The following GLT1D1 variants were observed in gnomAD, a reference collection of about 807,000 sequenced individuals.
The protein encoded by GLT1D1 is glycosyltransferase 1 domain-containing protein 1.
In GLT1D1, 21 loss-of-function variants were observed where a neutral mutation model predicts 28.7. That is an observed-to-expected ratio of 0.73 (90% confidence interval 0.52 to 1.05). GLT1D1 has a LOEUF of 1.05. Ranked by LOEUF, GLT1D1 falls within the 50% of genes least tolerant of loss-of-function variation. The pLI is 0.00. For missense variants in GLT1D1, 343 were observed against 330.6 expected, an observed-to-expected ratio of 1.04 and a Z score of -0.29; for synonymous variants, 147 against 124.8, an observed-to-expected ratio of 1.18 and a Z score of -1.19.
chr12:128,945,209 C>T (rs1239125883), intron 4 of GLT1D1, 117 bp from the exon 9 acceptor site: 15 of 1,043,608 alleles, frequency 1.4e-5, no homozygotes, highest in African/African-American at 1.6e-5. Flanking sequence ...ACCCCCGTGG[C>T]CGCAGACCGA....
At chr12:128,968,970 TC>T (rs1415039118) in intron 7 of GLT1D1, among the ~76,000 whole-genome samples, 1 of 152,040 alleles carries the variant, frequency 6.6e-6, no homozygotes, top group Non-Finnish European at 1.5e-5. Flanking sequence ...CTGCTGTGCC[TC>T]CCTTTTTCTC....
Position 128,899,274 on chromosome 12 carries a change from C to G in GLT1D1, c.362C>G (p.Ala121Gly), listed in dbSNP as rs1869975334. The change falls in exon 4 of 8, where the codon GCA becomes GGA. Residue 121 changes from alanine (A) to glycine (G), a missense_variant. Ala to Gly is a moderately conservative substitution (Grantham distance 60, BLOSUM62 0). Transcript: ENST00000281703. ...TTCACAGAGTCAATGAAGGAAATGG[C>G]ACAAGCGCAGTGGGTATGTGTTTAT... 29 of 1,613,436 alleles carry G rather than the reference C, an allele frequency of 1.8e-5. No individual in the cohort carries two copies. Among genetic ancestry groups the G allele is most frequent in the Non-Finnish European group, 2.4e-5 (28 of 1,179,382 alleles).
intron 4 of GLT1D1, among the ~76,000 whole-genome samples, chr12:128,908,950 AAAATAAAT>A (rs377518306): frequency 2.1e-3 from 312 of 151,190 alleles, no homozygotes; most frequent in African/African-American, 5.9e-3. Flanking sequence ...CTCCGTCTCA[AAAATAAAT>A]AAATAAATAA....
intron 1 of GLT1D1, among the ~76,000 whole-genome samples, chr12:128,872,373 C>A (rs1403117847): frequency 6.6e-6 from 1 of 152,050 alleles, no homozygotes; most frequent in Non-Finnish European, 1.5e-5. Context: ...GAGATAGGCT[C>A]AAAACAAAAT....
At chr12:128,889,156 A>G (rs563838991) in intron 3 of GLT1D1, among the ~76,000 whole-genome samples, 1 of 152,196 alleles carries the variant, frequency 6.6e-6, no homozygotes, top group East Asian at 1.9e-4. Flanking sequence ...AGTGTTCTGG[A>G]TGTAGAAAAC....
At chr12:128,923,671 G>A (rs562178353) in intron 4 of GLT1D1, among the ~76,000 whole-genome samples, 1 of 151,990 alleles carries the variant, frequency 6.6e-6, no homozygotes, top group Non-Finnish European at 1.5e-5. Context: ...ACAAGTGCCT[G>A]CTACCACAGC....
At chr12:128,954,162 C>T (rs916063954) in intron 6 of GLT1D1, among the ~76,000 whole-genome samples, 2 of 149,220 alleles carry the variant, frequency 1.3e-5, no homozygotes, top group East Asian at 2.0e-4. Flanking sequence ...CTCACTCTGT[C>T]GCCCAGGCTG....
At chr12:128,919,589 A>C (rs1298127274) in intron 4 of GLT1D1, among the ~76,000 whole-genome samples, 4 of 152,250 alleles carry the variant, frequency 2.6e-5, no homozygotes, top group African/African-American at 7.2e-5. Context: ...TCTCACATAC[A>C]AACAGGTCAA....
At chr12:128,881,617 AAAAT>A (rs1957063901) in intron 2 of GLT1D1, among the ~76,000 whole-genome samples, 1 of 136,624 alleles carries the variant, frequency 7.3e-6, no homozygotes. Flanking sequence ...ATAGATACAT[AAAAT>A]AAATATATTT....
At chr12:128,858,498 C>T (rs927550876) in intron 1 of GLT1D1, among the ~76,000 whole-genome samples, 2 of 151,974 alleles carry the variant, frequency 1.3e-5, no homozygotes, top group African/African-American at 4.8e-5. Context: ...ATGGTGAAAC[C>T]CCGTCTCTAC....
chr12:128,915,374 T>C (rs1858376029), intron 4 of GLT1D1, among the ~76,000 whole-genome samples: 1 of 151,994 alleles, frequency 6.6e-6, no homozygotes, highest in Non-Finnish European at 1.5e-5. Flanking sequence ...CACATTTTTT[T>C]TTTTTTTTGA....
chr12:128,869,223 G>C (rs1956623710), intron 1 of GLT1D1, among the ~76,000 whole-genome samples: 2 of 152,136 alleles, frequency 1.3e-5, no homozygotes, highest in Non-Finnish European at 2.9e-5. Flanking sequence ...CTGGAGTGCA[G>C]TGGCACCGTC....
chr12:128,897,191 T>C (rs754348747), intron 3 of GLT1D1, among the ~76,000 whole-genome samples: 33 of 152,316 alleles, frequency 2.2e-4, no homozygotes, highest in Non-Finnish European at 4.0e-4. Context: ...GTCCCTTATA[T>C]TTGCTCTCAC....
At chr12:128,963,766 C>T (rs751539158) in intron 7 of GLT1D1, among the ~76,000 whole-genome samples, 61 of 152,152 alleles carry the variant, frequency 4.0e-4, no homozygotes, top group Admixed American at 1.6e-3. Flanking sequence ...GTGCCCAGCA[C>T]GGAGCCAGGT....
intron 4 of GLT1D1, among the ~76,000 whole-genome samples, chr12:128,914,023 T>TATG (rs918301810): frequency 1.3e-5 from 2 of 152,208 alleles, no homozygotes; most frequent in Admixed American, 1.3e-4. Context: ...GAATAACGAT[T>TATG]ATGCAGGTGG....
In GLT1D1 at chr12:128,947,392, G is replaced by A. The variant is rs1464071855; in HGVS notation, c.474G>A (p.Val158=). 14 of 1,613,904 alleles carry A rather than the reference G, an allele frequency of 8.7e-6. No homozygotes were observed. Among genetic ancestry groups the A allele is most frequent in the Admixed American group, 1.7e-5 (1 of 60,004 alleles). The change falls in exon 6 of 8, where the codon GTG becomes GTA. Residue 158 remains valine, a synonymous_variant. Transcript: ENST00000281703. Reference sequence around the variant, plus strand: ...TGCCTCAAGAAGATCTGCACGCGGTGGTGAAGAATTGCTTCGCGGTGGTGA... The same window carrying A: ...TGCCTCAAGAAGATCTGCACGCGGTAGTGAAGAATTGCTTCGCGGTGGTGA...
intron 3 of GLT1D1, among the ~76,000 whole-genome samples, chr12:128,894,425 G>C (rs1454993971): frequency 1.3e-5 from 2 of 152,154 alleles, no homozygotes; most frequent in African/African-American, 2.4e-5. Context: ...TATTCCTGTG[G>C]TGTTTGCCTG....
chr12:128,957,699 A>G lies in GLT1D1; in HGVS notation c.639+56A>G, dbSNP rs545685783. On this transcript the variant is annotated intron_variant, in intron 7 of 7. Coordinates refer to ENST00000281703, the MANE Select transcript of GLT1D1 (RefSeq NM_144669.3). ...CACCTTATCTGAATAGTTTTCCTCT[A>G]TGTTTAATGGAGAGATTCTTTCTGT... 4.4e-5 allele frequency: 49 copies of G among 1,119,792 alleles called. No homozygotes were observed. The African/African-American group carries it at 6.0e-4, about 14-fold the overall frequency. The allele number at this position is 1,119,792 out of a possible 1,614,324, so 69.4% of individuals were successfully genotyped here.
At chr12:128,929,041 G>A (rs974769341) in intron 4 of GLT1D1, among the ~76,000 whole-genome samples, 6 of 152,154 alleles carry the variant, frequency 3.9e-5, no homozygotes, top group African/African-American at 1.2e-4. Context: ...GCCTTTGGGG[G>A]TGATTCAGAT....
Sources: allele counts gnomAD v4.1 joint callset (sites outside exome capture counted in the v4.1 genomes callset), GRCh38; gene constraint gnomAD v4.1.1; transcripts MANE v1.5; gene names NCBI Gene and HGNC (gene_info 2026-07-23, HGNC 2026-07-21).